TMTC1: variants seen among roughly 807,000 people sequenced by gnomAD.
TMTC1 encodes transmembrane O-mannosyltransferase targeting cadherins 1.
Under a neutral mutation model 104.8 loss-of-function variants are expected in TMTC1, and 73 were observed. That is an observed-to-expected ratio of 0.70 (90% CI 0.58 to 0.85). The LOEUF (loss-of-function observed/expected upper bound fraction) is 0.85. Among genes scored for constraint, TMTC1 ranks in the 40% least tolerant of loss-of-function variants. The pLI is 0.00. For synonymous variants in TMTC1, 434 were observed against 428.7 expected (o/e 1.01, Z -0.15); for missense variants, 1,035 against 1,096.1 (o/e 0.94, Z 0.79).
At position 29,758,787 on chromosome 12, in the gene TMTC1, TAAAATAA is replaced by T; in HGVS notation, c.481-17_481-11del. 6.3e-7 allele frequency: 1 copy of T among 1,586,688 alleles called. No homozygotes were observed. Among genetic ancestry groups the T allele is most frequent in the Non-Finnish European group, 8.5e-7 (1 of 1,169,782 alleles). Reference sequence around the variant, plus strand: ...CAACGATCCCAGCCACCTTGGAAGTTAAAATAATAAAAAATGAAACTTCAGACAATTA... The same window carrying T: ...CAACGATCCCAGCCACCTTGGAAGTTTAAAAAATGAAACTTCAGACAATTA... On this transcript the variant is annotated splice_polypyrimidine_tract_variant and intron_variant, in intron 2 of 17. Coordinates refer to ENST00000539277, the MANE Select transcript of TMTC1 (RefSeq NM_001193451.2).
chr12:29,524,303 A>G (rs569586184), intron 11 of TMTC1, among the ~76,000 whole-genome samples: 5 of 152,356 alleles, frequency 3.3e-5, no homozygotes, highest in African/African-American at 1.2e-4. Flanking sequence ...AATGAGCCAG[A>G]AAAGGAGTCT....
chr12:29,702,692 T>C lies in TMTC1; in HGVS notation c.938+48974A>G, dbSNP rs116711463. ...GGTGAATCCGAGGCAGCGCAGGCCATTGGGAGGCAGCCTTGAGTATGCCGG... is the reference window on the plus strand; with the variant it reads ...GGTGAATCCGAGGCAGCGCAGGCCACTGGGAGGCAGCCTTGAGTATGCCGG... On this transcript the variant is annotated intron_variant, in intron 5 of 17. Coordinates refer to ENST00000539277, the MANE Select transcript of TMTC1 (RefSeq NM_001193451.2). Among the ~76,000 whole-genome samples, 976 of 152,264 alleles carry C rather than the reference T, an allele frequency of 6.4e-3. 14 individuals are homozygous for C. The highest frequency in any genetic ancestry group is 0.02 in the African/African-American group (811 of 41,548).
At chr12:29,726,789 A>C (rs1196950552) in intron 5 of TMTC1, among the ~76,000 whole-genome samples, 1 of 152,230 alleles carries the variant, frequency 6.6e-6, no homozygotes, top group Non-Finnish European at 1.5e-5. Context: ...AGGCAATACC[A>C]TCAATCTAGA....
At chr12:29,573,493 A>T in intron 8 of TMTC1, among the ~76,000 whole-genome samples, 1 of 152,014 alleles carries the variant, frequency 6.6e-6, no homozygotes, top group Non-Finnish European at 1.5e-5. Flanking sequence ...GCCCTCAGGG[A>T]GTTTATGAGG....
intron 5 of TMTC1, among the ~76,000 whole-genome samples, chr12:29,739,040 T>C (rs1942756410): frequency 1.3e-5 from 2 of 152,194 alleles, no homozygotes; most frequent in African/African-American, 4.8e-5. Flanking sequence ...AATATAACAA[T>C]ATCAAATGCT....
intron 9 of TMTC1, among the ~76,000 whole-genome samples, chr12:29,567,947 C>A (rs1402858491): frequency 6.6e-6 from 1 of 152,142 alleles, no homozygotes; most frequent in Non-Finnish European, 1.5e-5. Context: ...GGTTAGATTT[C>A]TTTAGACTCT....
chr12:29,674,129 G>T (rs1339960046), intron 5 of TMTC1, among the ~76,000 whole-genome samples: 1 of 152,088 alleles, frequency 6.6e-6, no homozygotes, highest in Non-Finnish European at 1.5e-5. Flanking sequence ...CAACACAGAG[G>T]CAGCTGGTGT....
intron 5 of TMTC1, among the ~76,000 whole-genome samples, chr12:29,669,471 A>G (rs906601426): frequency 5.9e-5 from 9 of 152,206 alleles, no homozygotes; most frequent in African/African-American, 2.2e-4. Context: ...TCTGAAGTCC[A>G]TAACAAAGAA....
chr12:29,634,429 T>C (rs962450731), intron 5 of TMTC1, among the ~76,000 whole-genome samples: 2 of 152,130 alleles, frequency 1.3e-5, no homozygotes, highest in East Asian at 1.9e-4. Context: ...CAGGGACCAA[T>C]GCTCTGTAAG....
At chr12:29,771,512 G>T (rs990121573) in intron 1 of TMTC1, among the ~76,000 whole-genome samples, 1 of 152,142 alleles carries the variant, frequency 6.6e-6, no homozygotes, top group Non-Finnish European at 1.5e-5. Flanking sequence ...ATATGATTCA[G>T]GGCCCAGAGA....
At position 29,517,417 on chromosome 12, in the gene TMTC1, T is replaced by C. The variant is rs200203193; in HGVS notation, c.2169+10A>G. On this transcript the variant is annotated intron_variant, in intron 14 of 17. Coordinates refer to ENST00000539277, the MANE Select transcript of TMTC1 (RefSeq NM_001193451.2). ...AGGTTGCCAGCTTCATTTTCTTTCA[T>C]CCTACTCACCAGTGCCAAGCGGAGC... 2.5e-6 allele frequency: 4 copies of C among 1,613,910 alleles called. No individual in the cohort carries two copies. In the African/African-American group the frequency reaches 4.0e-5, roughly 16 times the overall value.
At chr12:29,630,973 C>G (rs1481150172) in intron 6 of TMTC1, among the ~76,000 whole-genome samples, 4 of 152,106 alleles carry the variant, frequency 2.6e-5, no homozygotes, top group South Asian at 2.1e-4. Context: ...AATGGTATCT[C>G]TTTGTGGATT....
In TMTC1 at chr12:29,653,391, T is replaced by C. The variant is rs564618347; in HGVS notation, c.939-20055A>G. On this transcript the variant is annotated intron_variant, in intron 5 of 17. Coordinates refer to ENST00000539277, the MANE Select transcript of TMTC1 (RefSeq NM_001193451.2). ...AGCAGTCACAGCACGAGGGGACTAC[T>C]TGGATGAGAGGAATGAAAGAAAGGA... Among the ~76,000 whole-genome samples, 42 of 152,160 alleles carry C rather than the reference T, an allele frequency of 2.8e-4. 1 individual carries two copies. In the South Asian group the frequency reaches 7.5e-3, roughly 27 times the overall value.
At chr12:29,590,356 A>G (rs1188952856) in intron 7 of TMTC1, among the ~76,000 whole-genome samples, 1 of 152,190 alleles carries the variant, frequency 6.6e-6, no homozygotes, top group East Asian at 1.9e-4. Context: ...ATAACACCAC[A>G]CAAGACACTA....
chr12:29,773,179 C>T (rs376813061), intron 1 of TMTC1, among the ~76,000 whole-genome samples: 1 of 152,272 alleles, frequency 6.6e-6, no homozygotes, highest in Middle Eastern at 3.4e-3. Context: ...TCCTGTAAAA[C>T]TTCCCAGAAA....
chr12:29,588,087 G>C (rs964440176), intron 7 of TMTC1, among the ~76,000 whole-genome samples: 2 of 152,040 alleles, frequency 1.3e-5, no homozygotes, highest in African/African-American at 2.4e-5. Flanking sequence ...ATAAAGTTTA[G>C]GGTTCATGGT....
chr12:29,643,617 AT>A (rs1171312334), intron 5 of TMTC1, among the ~76,000 whole-genome samples: 2 of 30,838 alleles, frequency 6.5e-5, no homozygotes, highest in Non-Finnish European at 1.0e-4. Flanking sequence ...TATATAATAT[AT>A]ATCTATATAT....
At chr12:29,673,469 T>C (rs530537902) in intron 5 of TMTC1, among the ~76,000 whole-genome samples, 36 of 152,166 alleles carry the variant, frequency 2.4e-4, no homozygotes, top group Non-Finnish European at 3.1e-4. Context: ...TATGTTCATA[T>C]AATTTTTCGA....
intron 10 of TMTC1, among the ~76,000 whole-genome samples, chr12:29,548,753 C>T (rs1945008134): frequency 6.9e-6 from 1 of 145,764 alleles, no homozygotes; most frequent in African/African-American, 2.5e-5. Context: ...AAAGAAACAC[C>T]CAAATTCTAC....
Sources: allele counts gnomAD v4.1 joint callset (sites outside exome capture counted in the v4.1 genomes callset), GRCh38; gene constraint gnomAD v4.1.1; transcripts MANE v1.5; gene names NCBI Gene and HGNC (gene_info 2026-07-23, HGNC 2026-07-21).